YIPF4: variants seen among roughly 807,000 people sequenced by gnomAD.
The protein encoded by YIPF4 is Yip1 domain family member 4, also known as protein YIPF4.
In YIPF4, 18 loss-of-function variants were observed where a neutral mutation model predicts 29.4. That is an observed-to-expected ratio of 0.61 (90% confidence interval 0.42 to 0.91). The LOEUF is 0.91. YIPF4 is among the 40% of genes least tolerant of loss of function. YIPF4 has a pLI of 0.00. For synonymous variants in YIPF4, 115 were observed against 104.7 expected, an observed-to-expected ratio of 1.10 and a Z score of -0.60; for missense variants, 279 against 282.7, an observed-to-expected ratio of 0.99 and a Z score of 0.09.
chr2:32,303,292 C>T (rs757926625), intron 5 of YIPF4, among the ~76,000 whole-genome samples: 16 of 152,120 alleles, frequency 1.1e-4, no homozygotes, highest in Admixed American at 9.8e-4. Context: ...CCCATGAGGC[C>T]GTGGCTGTAG....
rs60506321 is a variant in YIPF4, at chr2:32,302,324, C to T, written c.597+829C>T. 4.7e-3 allele frequency among the ~76,000 whole-genome samples: 717 copies of T among 151,946 alleles called. 7 individuals carry two copies. Among genetic ancestry groups the T allele is most frequent in the African/African-American group, 0.017 (697 of 41,448 alleles). On this transcript the variant is annotated intron_variant, in intron 5 of 5. Transcript: ENST00000238831. ...GATTACAAGCGTGAGCCACTGCTCC[C>T]GGCTGGTCAGCATTTTTTAAATGTT...
chr2:32,286,796 G>A (rs550247612), intron 1 of YIPF4, among the ~76,000 whole-genome samples: 1 of 151,986 alleles, frequency 6.6e-6, no homozygotes, highest in Non-Finnish European at 1.5e-5. Context: ...TGCCCACCTC[G>A]ACTGGGATTA....
intron 4 of YIPF4, among the ~76,000 whole-genome samples, chr2:32,300,191 G>C (rs1002611572): frequency 2.0e-5 from 3 of 152,132 alleles, no homozygotes; most frequent in African/African-American, 7.2e-5. Context: ...TCTTGAACCC[G>C]GGAGGCGGAG....
At chr2:32,296,597 A>G (rs2031197111) in intron 3 of YIPF4, among the ~76,000 whole-genome samples, 1 of 152,144 alleles carries the variant, frequency 6.6e-6, no homozygotes. Flanking sequence ...CAAGAATATC[A>G]CAGAAGTGAC....
Position 32,312,828 on chromosome 2 carries a change from T to C in YIPF4, c.*7202T>C, listed in dbSNP as rs1266032395. 6.6e-6 allele frequency: 1 copy of C among 151,954 alleles called. No individual in the cohort carries two copies. Among genetic ancestry groups the C allele is most frequent in the Non-Finnish European group, 1.5e-5 (1 of 68,066 alleles). 9.4% of individuals were successfully genotyped at this position (151,954 alleles called of 1,614,324 possible). A position where few individuals can be genotyped will look rare whatever the true frequency, so the allele number is the denominator to read the frequency against. ...TAACACGGTGAAACCCCGTCTCTAC[T>C]AAAAATACAAAATTTAGCCGGGCGT... On this transcript the variant is annotated 3_prime_UTR_variant, in exon 6 of 6. Transcript: ENST00000238831.
intron 1 of YIPF4, among the ~76,000 whole-genome samples, chr2:32,278,796 G>A (rs1168832351): frequency 1.3e-5 from 2 of 152,048 alleles, no homozygotes; most frequent in East Asian, 1.9e-4. Flanking sequence ...ATTGACGCAG[G>A]TATATTGGAA....
chr2:32,278,235 G>T lies in YIPF4; in HGVS notation c.79+1G>T. ...TTTGTCTCCTCAGCAGACGCGGAAGGTGAGGCTGAGCCCCTGGAAGGGCTA... is the reference window on the plus strand; with the variant it reads ...TTTGTCTCCTCAGCAGACGCGGAAGTTGAGGCTGAGCCCCTGGAAGGGCTA... On this transcript the variant is annotated splice_donor_variant, in intron 1 of 5. Coordinates refer to ENST00000238831, the MANE Select transcript of YIPF4 (RefSeq NM_032312.4). LOFTEE classifies it high-confidence loss of function. 1 of 1,559,330 alleles carries T rather than the reference G, an allele frequency of 6.4e-7. No individual in the cohort carries two copies. The highest frequency in any genetic ancestry group is 8.7e-7 in the Non-Finnish European group (1 of 1,152,170).
chr2:32,290,325 A>C (rs113864195), intron 1 of YIPF4, among the ~76,000 whole-genome samples, 158 bp from the exon 2 acceptor site: 4 of 152,288 alleles, frequency 2.6e-5, no homozygotes, highest in African/African-American at 9.6e-5. Context: ...GATGGTTTTT[A>C]GATGTCTGTC....
intron 4 of YIPF4, 29 bp from the exon 5 acceptor site, chr2:32,301,353 T>C (rs2031397766): frequency 1.5e-6 from 2 of 1,368,596 alleles, no homozygotes; most frequent in East Asian, 2.3e-5. Flanking sequence ...ATTTCAATGA[T>C]ATTTATTTGA....
intron 1 of YIPF4, among the ~76,000 whole-genome samples, chr2:32,288,165 G>T (rs1389012657): frequency 6.6e-6 from 1 of 152,012 alleles, no homozygotes; most frequent in Non-Finnish European, 1.5e-5. Flanking sequence ...TGGGGGTCCT[G>T]GGGGAGGTGT....
At position 32,278,171 on chromosome 2, in the gene YIPF4, C is replaced by G. The variant is rs1447153204; in HGVS notation, c.16C>G (p.Pro6Ala). 1.3e-6 allele frequency: 2 copies of G among 1,567,390 alleles called. No homozygotes were observed. ...TCGCCGCGAGATGCAGCCTCCGGGC[C>G]CGCCCCCGGCCTATGCCCCCACTAA... MQPPG[P>A]PPAYAPTNGD... Residue 6 changes from proline to alanine, a missense_variant, in exon 1 of 6, where the codon CCG (proline) becomes GCG (alanine). Physicochemically the swap from Pro to Ala is conservative, Grantham distance 27. Transcript: ENST00000238831.
In YIPF4 at chr2:32,305,894, G is replaced by GT; in HGVS notation, c.*269dup. 1 of 1,061,034 alleles carries GT rather than the reference G, an allele frequency of 9.4e-7. No individual in the cohort carries two copies. Among genetic ancestry groups the GT allele is most frequent in the Non-Finnish European group, 1.1e-6 (1 of 880,322 alleles). The allele number at this position is 1,061,034 out of a possible 1,614,324, so 65.7% of individuals were successfully genotyped here. On this transcript the variant is annotated 3_prime_UTR_variant, in exon 6 of 6. Transcript: ENST00000238831. The stretch of plus-strand genomic sequence containing the variant: ...ACAAAAGCATTGTGTTTTTAAGATT[G>GT]TGTCGATATTCACCTAAAAACTTGT...
chr2:32,284,025 A>C (rs1342760283), intron 1 of YIPF4, among the ~76,000 whole-genome samples: 1 of 152,116 alleles, frequency 6.6e-6, no homozygotes, highest in Non-Finnish European at 1.5e-5. Context: ...CGCCAGGCCT[A>C]ATATCACTTC....
intron 3 of YIPF4, among the ~76,000 whole-genome samples, chr2:32,295,247 C>G (rs547602251): frequency 1.3e-5 from 2 of 152,304 alleles, no homozygotes; most frequent in East Asian, 3.9e-4. Flanking sequence ...ATACATCACT[C>G]TCTCATGCCA....
chr2:32,291,492 C>T (rs183234022), intron 2 of YIPF4, among the ~76,000 whole-genome samples: 8 of 152,226 alleles, frequency 5.3e-5, no homozygotes, highest in South Asian at 4.1e-4. Context: ...TGCAGTGAGC[C>T]GAAATTGCCC....
intron 1 of YIPF4, among the ~76,000 whole-genome samples, chr2:32,286,608 C>G (rs1190985657): frequency 6.6e-6 from 1 of 151,824 alleles, no homozygotes; most frequent in Admixed American, 6.6e-5. Flanking sequence ...TGCAGTGGCG[C>G]GATCTCAGCT....
chr2:32,297,619 C>G (rs573334788), intron 3 of YIPF4, among the ~76,000 whole-genome samples: 1 of 151,986 alleles, frequency 6.6e-6, no homozygotes, highest in African/African-American at 2.4e-5. Context: ...TAAATAAGTA[C>G]ATGACCAAAT....
chr2:32,282,773 G>C (rs986823298), intron 1 of YIPF4, among the ~76,000 whole-genome samples: 1 of 151,848 alleles, frequency 6.6e-6, no homozygotes, highest in Admixed American at 6.6e-5. Flanking sequence ...TATACAAATT[G>C]GGAATAAGAA....
chr2:32,305,645 A>G lies in YIPF4; in HGVS notation c.*19A>G. 1 of 1,542,106 alleles carries G rather than the reference A, an allele frequency of 6.5e-7. No individual in the cohort carries two copies. On this transcript the variant is annotated 3_prime_UTR_variant, in exon 6 of 6. Coordinates refer to ENST00000238831, the MANE Select transcript of YIPF4 (RefSeq NM_032312.4). ...TGTGTGATCCAAGTTATACATGAAT[A>G]GAAAAAGATGGTGTTAAATTTGTGT...
Sources: gnomAD v4.1 joint callset for allele counts (sites outside exome capture counted in the v4.1 genomes callset) on GRCh38, gnomAD v4.1.1 for gene constraint, MANE v1.5 for transcripts, NCBI Gene and HGNC (gene_info 2026-07-23, HGNC 2026-07-21) for gene names.